Variants in GRIA1 observed in about 807,000 individuals in gnomAD.
GRIA1 encodes the protein glutamate receptor 1.
A neutral mutation model predicts 99.2 loss-of-function variants in GRIA1; 31 were observed. That is an observed-to-expected ratio of 0.31 (90% CI 0.23 to 0.42). GRIA1 has a LOEUF of 0.42. GRIA1 is among the 10% of genes least tolerant of loss of function. The probability of loss-of-function intolerance (pLI) is 1.00; values close to 1 mark genes in which losing one functional copy is unlikely to be tolerated. For missense variants in GRIA1, 782 were observed against 1,157.5 expected (o/e 0.68, Z 4.71); for synonymous variants, 438 against 432.4 (o/e 1.01, Z -0.16).
At position 153,659,758 on chromosome 5, in the gene GRIA1, T is replaced by C. The variant is rs1336812995; in HGVS notation, c.699+3886T>C. On this transcript the variant is annotated intron_variant, in intron 5 of 15. Coordinates refer to ENST00000285900, the MANE Select transcript of GRIA1 (RefSeq NM_000827.4). ...GTTATACTGGTATTTAGAATTTTAC[T>C]GGAATGAAAGCACATATTTTAAAAT... Among the ~76,000 whole-genome samples, 10 of 152,158 alleles carry C rather than the reference T, an allele frequency of 6.6e-5. 1 individual carries two copies. The highest frequency in any genetic ancestry group is 2.4e-4 in the African/African-American group (10 of 41,424).
chr5:153,600,509 A>T (rs114254732), intron 2 of GRIA1, among the ~76,000 whole-genome samples: 1 of 151,206 alleles, frequency 6.6e-6, no homozygotes, highest in African/African-American at 2.4e-5. Context: ...GCGCTTTTCC[A>T]CCCAGGTTTT....
intron 5 of GRIA1, among the ~76,000 whole-genome samples, chr5:153,666,875 C>T (rs903355147): frequency 8.5e-5 from 13 of 152,134 alleles, no homozygotes; most frequent in Non-Finnish European, 1.8e-4. Context: ...GGCCTGCGTT[C>T]CAGAGCCTCA....
At chr5:153,493,869 G>T (rs987978891) in intron 1 of GRIA1, 59 bp from the exon 2 acceptor site, 2 of 1,576,784 alleles carry the variant, frequency 1.3e-6, no homozygotes, top group East Asian at 2.2e-5. Flanking sequence ...GGAGTGAGTC[G>T]TGAGGAACTA....
intron 14 of GRIA1, among the ~76,000 whole-genome samples, chr5:153,797,165 G>A (rs1360793576): frequency 1.3e-5 from 2 of 152,166 alleles, no homozygotes; most frequent in East Asian, 3.9e-4. Flanking sequence ...AGAGACTTTG[G>A]GCTCCAGCTA....
intron 14 of GRIA1, among the ~76,000 whole-genome samples, chr5:153,797,695 G>A (rs1317911590): frequency 1.3e-5 from 2 of 152,162 alleles, no homozygotes; most frequent in Admixed American, 6.5e-5. Flanking sequence ...ATTTTGTTTT[G>A]AGTCAGGATG....
At chr5:153,576,107 C>A (rs571268435) in intron 2 of GRIA1, among the ~76,000 whole-genome samples, 1 of 152,178 alleles carries the variant, frequency 6.6e-6, no homozygotes. Context: ...CACCATCTAA[C>A]TTCTGTGAGC....
intron 4 of GRIA1, among the ~76,000 whole-genome samples, chr5:153,651,071 T>C (rs1423026660): frequency 1.3e-5 from 2 of 151,892 alleles, no homozygotes; most frequent in Non-Finnish European, 2.9e-5. Flanking sequence ...AGAGCAAGAC[T>C]CCATCTCGAA....
intron 2 of GRIA1, among the ~76,000 whole-genome samples, chr5:153,568,309 A>G (rs1395655155): frequency 6.6e-6 from 1 of 152,232 alleles, no homozygotes; most frequent in East Asian, 1.9e-4. Flanking sequence ...AATCTGCTTC[A>G]CAGACCAGCA....
intron 6 of GRIA1, among the ~76,000 whole-genome samples, chr5:153,675,153 C>G (rs1482759898): frequency 1.3e-5 from 2 of 152,218 alleles, no homozygotes; most frequent in South Asian, 2.1e-4. Flanking sequence ...TCTTGGAAAA[C>G]TACCCCCAGT....
intron 6 of GRIA1, 107 bp from the exon 7 acceptor site, chr5:153,676,887 C>T (rs1756626954): frequency 1.1e-6 from 1 of 877,946 alleles, no homozygotes; most frequent in Non-Finnish European, 1.6e-6. Context: ...ATCTGGCCCA[C>T]TGCACACCCT....
chr5:153,500,570 TTCTCTC>T (rs3064315), intron 2 of GRIA1, among the ~76,000 whole-genome samples: 38 of 129,100 alleles, frequency 2.9e-4, no homozygotes, highest in Admixed American at 4.8e-4. Context: ...CTGCCTCTCT[TTCTCTC>T]TCTCTCTCTC....
At chr5:153,707,271 A>T (rs1381664667) in intron 11 of GRIA1, among the ~76,000 whole-genome samples, 1 of 152,156 alleles carries the variant, frequency 6.6e-6, no homozygotes, top group Non-Finnish European at 1.5e-5. Flanking sequence ...GGACTTGTGA[A>T]CACAATTTAT....
At chr5:153,519,106 T>G (rs932837926) in intron 2 of GRIA1, among the ~76,000 whole-genome samples, 3 of 151,848 alleles carry the variant, frequency 2.0e-5, no homozygotes, top group Non-Finnish European at 4.4e-5. Flanking sequence ...CTACCAAAAA[T>G]ACAAAAAATT....
intron 13 of GRIA1, among the ~76,000 whole-genome samples, chr5:153,777,314 T>C (rs961602460): frequency 4.6e-5 from 7 of 152,122 alleles, no homozygotes; most frequent in African/African-American, 1.7e-4. Flanking sequence ...GGGATGAATA[T>C]GATGGGAGAT....
chr5:153,678,899 T>TTG (rs1391413749), intron 7 of GRIA1, among the ~76,000 whole-genome samples: 1 of 152,170 alleles, frequency 6.6e-6, no homozygotes, highest in Non-Finnish European at 1.5e-5. Flanking sequence ...TGCCTTCCCT[T>TTG]TCCTTCCCCA....
chr5:153,542,994 A>G (rs1759269853), intron 2 of GRIA1, among the ~76,000 whole-genome samples: 1 of 152,260 alleles, frequency 6.6e-6, no homozygotes, highest in Non-Finnish European at 1.5e-5. Flanking sequence ...TACACTTCTT[A>G]GAGCATTGTT....
Position 153,669,848 on chromosome 5 carries a change from G to A in GRIA1, c.700-4652G>A, listed in dbSNP as rs2149480290. The stretch of plus-strand genomic sequence containing the variant: ...ATATCTGACTTCCCATTAGAAAGAT[G>A]ACAAATCAGCTCATATTACACCCCC... On this transcript the variant is annotated intron_variant, in intron 5 of 15. Coordinates refer to ENST00000285900, the MANE Select transcript of GRIA1 (RefSeq NM_000827.4). Among the ~76,000 whole-genome samples the A allele has an allele frequency of 1.3e-5, 2 of 152,108 alleles. 1 individual carries two copies. Among genetic ancestry groups the A allele is most frequent in the African/African-American group, 4.8e-5 (2 of 41,496 alleles).
intron 13 of GRIA1, among the ~76,000 whole-genome samples, chr5:153,788,714 C>G (rs944636085): frequency 6.6e-6 from 1 of 152,198 alleles, no homozygotes; most frequent in Non-Finnish European, 1.5e-5. Context: ...AGGGCATGAA[C>G]CATGTTTGTC....
intron 7 of GRIA1, among the ~76,000 whole-genome samples, chr5:153,677,885 G>A (rs982975923): frequency 2.0e-5 from 3 of 152,200 alleles, no homozygotes; most frequent in African/African-American, 4.8e-5. Context: ...TGGGGCTCCT[G>A]TAGATCTCTA....
Sources: gnomAD v4.1 joint callset for allele counts (sites outside exome capture counted in the v4.1 genomes callset) on GRCh38, gnomAD v4.1.1 for gene constraint, MANE v1.5 for transcripts, NCBI Gene and HGNC (gene_info 2026-07-23, HGNC 2026-07-21) for gene names.